SORCS1: variants seen among roughly 807,000 people sequenced by gnomAD.
SORCS1 encodes the protein VPS10 domain-containing receptor SorCS1.
Under a neutral mutation model 146.1 loss-of-function variants are expected in SORCS1, and 60 were observed. The observed-to-expected ratio is 0.41, with a 90% confidence interval of 0.33 to 0.51. SORCS1 has a LOEUF of 0.51. Ranked by LOEUF, SORCS1 falls within the 20% of genes least tolerant of loss-of-function variation. SORCS1 has a pLI of 0.21. For missense variants in SORCS1, 1,352 were observed against 1,487.6 expected, an observed-to-expected ratio of 0.91 and a Z score of 1.50; for synonymous variants, 637 against 584.0, an observed-to-expected ratio of 1.09 and a Z score of -1.31.
chr10:107,114,924 C>A (rs1204371621), intron 1 of SORCS1, among the ~76,000 whole-genome samples: 1 of 152,020 alleles, frequency 6.6e-6, no homozygotes, highest in Non-Finnish European at 1.5e-5. Flanking sequence ...ATAATATCGA[C>A]ATACACATGT....
At chr10:107,178,677 T>A in the SORCS1 span, among the ~76,000 whole-genome samples, 1 of 151,936 alleles carries the variant, frequency 6.6e-6, no homozygotes, top group Admixed American at 6.6e-5. Flanking sequence ...TTAGTAGAGA[T>A]AGGTTTCGCC....
rs1590045042 is a variant in SORCS1, at chr10:107,060,517, T to C, written c.558+103452A>G. Among the ~76,000 whole-genome samples the C allele has an allele frequency of 6.6e-6, 1 of 152,298 alleles. No individual in the cohort carries two copies. The highest frequency in any genetic ancestry group is 1.5e-5 in the Non-Finnish European group (1 of 68,024). On this transcript the variant is annotated intron_variant, in intron 1 of 25. Coordinates refer to ENST00000263054, the MANE Select transcript of SORCS1 (RefSeq NM_052918.5). The surrounding 1 kb of genome is among the most constrained non-coding windows in gnomAD (Gnocchi z 4.1). ...TCTGCACTCTGTTCAGACAGGATGG[T>C]TCAGTCCTCATATTTCCCAACATCC... is the stretch of plus-strand genomic sequence containing the variant.
intron 1 of SORCS1, among the ~76,000 whole-genome samples, chr10:107,078,832 A>C (rs563443664): frequency 4.2e-4 from 64 of 152,338 alleles, no homozygotes; most frequent in African/African-American, 1.1e-3. Context: ...TACTCTCTGC[A>C]ACTAGCTTGA....
intron 2 of SORCS1, among the ~76,000 whole-genome samples, chr10:106,902,661 T>C (rs1490972167): frequency 6.6e-6 from 1 of 152,266 alleles, no homozygotes; most frequent in Admixed American, 6.5e-5. Context: ...TTTATTTACA[T>C]GTATAAAATA....
rs1016218163 is a variant in SORCS1, at chr10:107,124,136, T to C, written c.558+39833A>G. 6.6e-5 allele frequency among the ~76,000 whole-genome samples: 10 copies of C among 150,506 alleles called. No homozygotes were observed. The East Asian group carries it at 2.0e-3, about 29-fold the overall frequency. On this transcript the variant is annotated intron_variant, in intron 1 of 25. Transcript: ENST00000263054. ...ATGGAGACAATGCAAACTGTGAAGG[T>C]TAGAGTGAGAATTAAATAATATATG...
intron 1 of SORCS1, among the ~76,000 whole-genome samples, chr10:106,963,154 C>T (rs10884393): frequency 0.69 from 91,499 of 132,040 alleles, 31,416 homozygotes; most frequent in East Asian, 0.75. Context: ...CTTGCTCTGT[C>T]GCCCAGGCTG....
chr10:107,107,306 T>G (rs1470287169), intron 1 of SORCS1, among the ~76,000 whole-genome samples: 1 of 152,216 alleles, frequency 6.6e-6, no homozygotes, highest in Admixed American at 6.5e-5. Flanking sequence ...ATTAGGAATA[T>G]GAATGGCAAA....
At chr10:106,829,426 C>A in intron 3 of SORCS1, 148 bp downstream of exon 3, 1 of 563,862 alleles carries the variant, frequency 1.8e-6, no homozygotes, top group East Asian at 2.7e-5. Context: ...ATGTGTCAGA[C>A]ATTTTACAAT....
At chr10:106,810,327 C>T (rs544140715) in intron 3 of SORCS1, among the ~76,000 whole-genome samples, 44 of 152,330 alleles carry the variant, frequency 2.9e-4, no homozygotes, top group African/African-American at 1.0e-3. Context: ...CCCCTCTTCA[C>T]TCATCTTGCA....
chr10:107,099,760 G>C (rs1486321102), intron 1 of SORCS1, among the ~76,000 whole-genome samples: 2 of 152,182 alleles, frequency 1.3e-5, no homozygotes, highest in Non-Finnish European at 2.9e-5. Flanking sequence ...AAGTGATCTA[G>C]ATTCATTCTT....
chr10:107,104,964 T>G (rs978686252), intron 1 of SORCS1, among the ~76,000 whole-genome samples: 3 of 152,334 alleles, frequency 2.0e-5, no homozygotes, highest in African/African-American at 7.2e-5. Context: ...CTGTGGTATA[T>G]TCAGAAGAAT....
At chr10:107,096,717 G>A (rs1199002250) in intron 1 of SORCS1, among the ~76,000 whole-genome samples, 1 of 151,994 alleles carries the variant, frequency 6.6e-6, no homozygotes, top group Non-Finnish European at 1.5e-5. Context: ...TCACCATTTT[G>A]GCCAGGCTGG....
the SORCS1 span, among the ~76,000 whole-genome samples, chr10:107,176,366 T>C: frequency 1.3e-5 from 2 of 151,430 alleles, no homozygotes; most frequent in Non-Finnish European, 2.9e-5. Flanking sequence ...CGGGCTTTCC[T>C]GTCGCCCAGG....
chr10:106,630,306 G>T (rs1848367440), intron 18 of SORCS1, among the ~76,000 whole-genome samples: 1 of 152,136 alleles, frequency 6.6e-6, no homozygotes, highest in African/African-American at 2.4e-5. Flanking sequence ...CTATCAAAAT[G>T]ATCTCATGTT....
At chr10:107,068,762 T>A (rs1005268640) in intron 1 of SORCS1, among the ~76,000 whole-genome samples, 3 of 150,424 alleles carry the variant, frequency 2.0e-5, no homozygotes, top group African/African-American at 7.4e-5. Context: ...CCCAGCTACT[T>A]GGGAGGCTGA....
intron 6 of SORCS1, among the ~76,000 whole-genome samples, chr10:106,722,120 TAC>T (rs140882766): frequency 0.029 from 4,208 of 144,324 alleles, 79 homozygotes; most frequent in African/African-American, 0.045. Context: ...AATATATAAA[TAC>T]ACACACACAC....
intron 1 of SORCS1, among the ~76,000 whole-genome samples, chr10:107,050,175 C>T (rs1959974471): frequency 2.0e-5 from 3 of 152,168 alleles, no homozygotes; most frequent in Admixed American, 1.3e-4. Flanking sequence ...AGTTGTATTC[C>T]TGAATCTCAG....
intron 5 of SORCS1, among the ~76,000 whole-genome samples, chr10:106,749,880 A>G (rs936274932): frequency 6.6e-6 from 1 of 152,210 alleles, no homozygotes; most frequent in African/African-American, 2.4e-5. Context: ...TGAATACTGT[A>G]AGGCTTAAAG....
chr10:106,774,519 TA>T (rs1860282348), intron 4 of SORCS1, among the ~76,000 whole-genome samples: 1 of 151,776 alleles, frequency 6.6e-6, no homozygotes, highest in African/African-American at 2.4e-5. Flanking sequence ...TGCAATTTTG[TA>T]AATGTGATTT....
Sources: gnomAD v4.1 joint callset for allele counts (sites outside exome capture counted in the v4.1 genomes callset) on GRCh38, gnomAD v4.1.1 for gene constraint, Gnocchi (gnomAD v3.1) non-coding constraint, MANE v1.5 for transcripts, NCBI Gene and HGNC (gene_info 2026-07-23, HGNC 2026-07-21) for gene names.